The following AGMO variants were observed in gnomAD, a reference collection of about 807,000 sequenced individuals.
AGMO encodes the protein glyceryl-ether monooxygenase.
AGMO carries 75 observed loss-of-function variants against 60.2 expected under a neutral mutation model. That is an observed-to-expected ratio of 1.25 (90% CI 1.03 to 1.51). The LOEUF (loss-of-function observed/expected upper bound fraction) is 1.51, where lower values mean the gene tolerates loss of function less well. Among genes scored for constraint, AGMO ranks in the 40% most tolerant of loss-of-function variants. The probability of loss-of-function intolerance (pLI) is 0.00; values close to 1 mark genes in which losing one functional copy is unlikely to be tolerated. For missense variants in AGMO, 763 were observed against 525.5 expected, an observed-to-expected ratio of 1.45 and a Z score of -4.42; for synonymous variants, 261 against 177.1, an observed-to-expected ratio of 1.47 and a Z score of -3.76.
chr7:15,474,823 T>C (rs1240328411), intron 3 of AGMO, among the ~76,000 whole-genome samples: 2 of 151,816 alleles, frequency 1.3e-5, no homozygotes, highest in African/African-American at 2.4e-5. Flanking sequence ...ATATCCAGAA[T>C]GTACAAAGAA....
intron 3 of AGMO, among the ~76,000 whole-genome samples, chr7:15,486,454 A>G (rs1399471294): frequency 6.6e-6 from 1 of 152,242 alleles, no homozygotes; most frequent in Non-Finnish European, 1.5e-5. Context: ...TTGAGGGAGC[A>G]AAACATTCAA....
chr7:15,201,257 A>G lies in AGMO; in HGVS notation c.*28T>C, dbSNP rs1034692536. 3.2e-6 allele frequency: 5 copies of G among 1,542,648 alleles called. No individual in the cohort carries two copies. In the African/African-American group the frequency reaches 4.1e-5, roughly 13 times the overall value. On this transcript the variant is annotated 3_prime_UTR_variant, in exon 13 of 13. Coordinates refer to ENST00000342526, the MANE Select transcript of AGMO (RefSeq NM_001004320.2). ...TAATATGCGTGTGGACAACTCATTA[A>G]AAGAAGAGAATTATGTACAAATTCA...
the AGMO span, among the ~76,000 whole-genome samples, chr7:15,159,353 G>C: frequency 1.3e-5 from 2 of 152,150 alleles, no homozygotes; most frequent in Non-Finnish European, 2.9e-5. Context: ...AAGCTCTACA[G>C]AAGTGGTAAA....
At chr7:15,163,535 G>A in the AGMO span, among the ~76,000 whole-genome samples, 1 of 152,104 alleles carries the variant, frequency 6.6e-6, no homozygotes, top group East Asian at 1.9e-4. Flanking sequence ...CTAAAGGGAT[G>A]TTAGATTTTA....
Position 15,465,356 on chromosome 7 carries a change from C to A in AGMO, c.410-34248G>T, listed in dbSNP as rs779841176. Among the ~76,000 whole-genome samples the A allele has an allele frequency of 2.7e-5, 4 of 149,790 alleles. No individual in the cohort carries two copies. The South Asian group carries it at 8.4e-4, about 32-fold the overall frequency. The stretch of plus-strand genomic sequence containing the variant: ...GTGTGTGCGTGTGTGTATATACACA[C>A]GCACACACACATATATATGAATAAA... On this transcript the variant is annotated intron_variant, in intron 3 of 12. Transcript: ENST00000342526.
At chr7:15,548,550 G>T (rs1784855970) in intron 2 of AGMO, among the ~76,000 whole-genome samples, 2 of 152,136 alleles carry the variant, frequency 1.3e-5, no homozygotes, top group Non-Finnish European at 2.9e-5. Flanking sequence ...GTGATCAACT[G>T]GAAGAAAGGG....
chr7:15,433,740 C>A (rs1417538239), intron 3 of AGMO, among the ~76,000 whole-genome samples: 3 of 149,316 alleles, frequency 2.0e-5, no homozygotes, highest in Non-Finnish European at 3.0e-5. Context: ...TAACATTTTT[C>A]TTTTTCTATA....
At chr7:15,165,165 G>A in the AGMO span, among the ~76,000 whole-genome samples, 1 of 152,078 alleles carries the variant, frequency 6.6e-6, no homozygotes, top group Non-Finnish European at 1.5e-5. Flanking sequence ...TCACTTACGG[G>A]GGGAGCTAAA....
chr7:15,223,131 A>G (rs1484281686), intron 12 of AGMO, among the ~76,000 whole-genome samples: 3 of 152,016 alleles, frequency 2.0e-5, no homozygotes, highest in Non-Finnish European at 4.4e-5. Flanking sequence ...TTAGAATACA[A>G]TAATTTCACA....
At chr7:15,492,368 A>G (rs1357469150) in intron 3 of AGMO, among the ~76,000 whole-genome samples, 1 of 151,734 alleles carries the variant, frequency 6.6e-6, no homozygotes, top group Non-Finnish European at 1.5e-5. Context: ...GAAAAAAAAA[A>G]AAAAAAAACA....
At chr7:15,329,634 G>A (rs928018009) in intron 12 of AGMO, among the ~76,000 whole-genome samples, 3 of 152,164 alleles carry the variant, frequency 2.0e-5, no homozygotes, top group Non-Finnish European at 2.9e-5. Context: ...TACTAAAGGC[G>A]TCGCTTAATT....
chr7:15,292,758 T>G (rs1784308688), intron 12 of AGMO, among the ~76,000 whole-genome samples: 1 of 110,932 alleles, frequency 9.0e-6, no homozygotes. Context: ...TTCCTTTTTT[T>G]TTTTTTTTTT....
intron 12 of AGMO, among the ~76,000 whole-genome samples, chr7:15,304,702 C>A (rs917408861): frequency 6.6e-5 from 10 of 151,760 alleles, no homozygotes; most frequent in Non-Finnish European, 1.3e-4. Context: ...TCAAATAAAC[C>A]GACATATTTA....
chr7:15,214,319 G>A (rs1213842891), intron 12 of AGMO, among the ~76,000 whole-genome samples: 2 of 151,976 alleles, frequency 1.3e-5, no homozygotes, highest in African/African-American at 4.8e-5. Flanking sequence ...GGATTCTGGA[G>A]AAATGTGTTA....
At chr7:15,323,138 CTTCTTTATAAT>C (rs1242497324) in intron 12 of AGMO, among the ~76,000 whole-genome samples, 17 of 151,798 alleles carry the variant, frequency 1.1e-4, no homozygotes, top group Admixed American at 9.9e-4. Flanking sequence ...AGTAATAAGA[CTTCTTTATAAT>C]TTCCAATATA....
intron 12 of AGMO, among the ~76,000 whole-genome samples, chr7:15,283,484 G>C (rs1333692635): frequency 6.6e-6 from 1 of 151,796 alleles, no homozygotes; most frequent in African/African-American, 2.4e-5. Flanking sequence ...TTAAAAAAAA[G>C]ACAAGGTCAT....
At chr7:15,332,633 T>C (rs1034788103) in intron 12 of AGMO, among the ~76,000 whole-genome samples, 2 of 152,128 alleles carry the variant, frequency 1.3e-5, no homozygotes, top group African/African-American at 4.8e-5. Flanking sequence ...ATGTAAGATT[T>C]TCACTGTATA....
At chr7:15,396,486 G>C (rs559118106) in intron 5 of AGMO, 7 of 152,346 alleles carry the variant, frequency 4.6e-5, no homozygotes, top group Non-Finnish European at 5.9e-5. Flanking sequence ...AAACGTGGCA[G>C]GGACCCAAAG....
intron 12 of AGMO, among the ~76,000 whole-genome samples, chr7:15,244,811 G>C (rs10246820): frequency 0.88 from 133,215 of 151,990 alleles, 58,696 homozygotes; most frequent in African/African-American, 0.97. Context: ...GCCACCATGC[G>C]TGGCTAATTT....
Sources: allele counts gnomAD v4.1 joint callset (sites outside exome capture counted in the v4.1 genomes callset), GRCh38; gene constraint gnomAD v4.1.1; transcripts MANE v1.5; gene names NCBI Gene and HGNC (gene_info 2026-07-23, HGNC 2026-07-21).